The following NADK2 variants were observed in gnomAD, a reference collection of about 807,000 sequenced individuals.
NADK2 encodes the protein NAD kinase domain-containing protein 1, mitochondrial.
NADK2 carries 35 observed loss-of-function variants against 62.1 expected under a neutral mutation model. That is an observed-to-expected ratio of 0.56 (90% CI 0.43 to 0.75). NADK2 has a LOEUF of 0.75. Among genes scored for constraint, NADK2 ranks in the 30% least tolerant of loss-of-function variants. The pLI, the probability that NADK2 is intolerant of heterozygous loss-of-function variation, is 0.00. For synonymous variants in NADK2, 205 were observed against 207.9 expected, an observed-to-expected ratio of 0.99 and a Z score of 0.12; for missense variants, 439 against 561.3, an observed-to-expected ratio of 0.78 and a Z score of 2.20.
intron 2 of NADK2, among the ~76,000 whole-genome samples, chr5:36,226,877 C>T (rs1747503160): frequency 6.6e-6 from 1 of 152,068 alleles, no homozygotes; most frequent in Non-Finnish European, 1.5e-5. Context: ...CCTTCTAATG[C>T]TTAAATTCAT....
intron 1 of NADK2, among the ~76,000 whole-genome samples, chr5:36,229,285 A>G (rs573436339): frequency 6.6e-6 from 1 of 152,312 alleles, no homozygotes; most frequent in South Asian, 2.1e-4. Context: ...ACTTACCAAG[A>G]TATACTATAA....
chr5:36,228,790 TTTTA>T (rs1401524944), intron 1 of NADK2, among the ~76,000 whole-genome samples: 1 of 71,348 alleles, frequency 1.4e-5, no homozygotes, highest in Non-Finnish European at 4.0e-5. Flanking sequence ...AGCTAATTTA[TTTTA>T]TTTTTTTTTT....
intron 7 of NADK2, among the ~76,000 whole-genome samples, chr5:36,209,513 G>C (rs1229151472): frequency 3.3e-5 from 5 of 152,014 alleles, no homozygotes; most frequent in Admixed American, 2.6e-4. Context: ...ATTTATTTAA[G>C]GTAGACTTTC....
chr5:36,225,537 C>CT lies in NADK2; in HGVS notation c.560+4dup. The CT allele has an allele frequency of 6.2e-7, 1 of 1,608,816 alleles. No homozygotes were observed. ...ATCAAACAAAATGTATACGTTCTTT[C>CT]TTACCGTTCTGGATCAGTGTTTACC... On this transcript the variant is annotated splice_donor_region_variant and intron_variant, in intron 4 of 11. Transcript: ENST00000381937.
chr5:36,237,928 A>AT (rs1293235361), intron 1 of NADK2, among the ~76,000 whole-genome samples: 1 of 152,106 alleles, frequency 6.6e-6, no homozygotes, highest in Non-Finnish European at 1.5e-5. Flanking sequence ...GCATTTTAAC[A>AT]AGTACTCTTG....
At position 36,194,096 on chromosome 5, in the gene NADK2, T is replaced by G. The variant is rs1445382334; in HGVS notation, c.*1048A>C. ...GTAGATCAATAATTAGATAATAATT[T>G]CCTCCAAAAATAAAGGAATTCTCAT... On this transcript the variant is annotated 3_prime_UTR_variant, in exon 12 of 12. Transcript: ENST00000381937. 2.6e-5 allele frequency: 4 copies of G among 152,034 alleles called. No homozygotes were observed. Among genetic ancestry groups the G allele is most frequent in the Admixed American group, 2.6e-4 (4 of 15,242 alleles). The allele number at this position is 152,034 out of a possible 1,614,324, so 9.4% of individuals were successfully genotyped here. A position where few individuals can be genotyped will look rare whatever the true frequency, so the allele number is the denominator to read the frequency against.
intron 1 of NADK2, among the ~76,000 whole-genome samples, chr5:36,230,391 A>C (rs1747664424): frequency 6.6e-6 from 1 of 152,244 alleles, no homozygotes. Context: ...TGCAACAGCC[A>C]CCACTGCCAA....
chr5:36,209,362 TTTAA>T (rs1349831623), intron 7 of NADK2, among the ~76,000 whole-genome samples: 2 of 152,174 alleles, frequency 1.3e-5, no homozygotes, highest in African/African-American at 4.8e-5. Context: ...TTATAAGTTA[TTTAA>T]TTTTTTAGTA....
At chr5:36,223,483 T>A (rs16902829) in intron 4 of NADK2, among the ~76,000 whole-genome samples, 9,288 of 152,130 alleles carry the variant, frequency 0.061, 1,007 homozygotes, top group African/African-American at 0.21. Flanking sequence ...AACACCAGTA[T>A]TTAGCCAGTA....
Position 36,195,191 on chromosome 5 carries a change from T to C in NADK2, c.1282A>G (p.Met428Val), listed in dbSNP as rs1746183429. The C allele has an allele frequency of 6.2e-7, 1 of 1,613,488 alleles. No individual in the cohort carries two copies. Among genetic ancestry groups the C allele is most frequent in the African/African-American group, 1.3e-5 (1 of 74,904 alleles). The stretch of plus-strand genomic sequence containing the variant: ...CGAAGCTCATCTTCTTTATTGATCA[T>C]CATCGAAGCAATTGCACCATCATTA... Reference protein sequence around the residue: ...EFNDGAIASMMINKEDELRTV... With the variant: ...EFNDGAIASMVINKEDELRTV... Residue 428 changes from methionine to valine, a missense_variant, in exon 12 of 12, where the codon ATG becomes GTG. By Grantham distance (21) the Met-to-Val change is conservative. Transcript: ENST00000381937.
At chr5:36,196,127 A>G (rs974086839) in intron 11 of NADK2, among the ~76,000 whole-genome samples, 4 of 152,144 alleles carry the variant, frequency 2.6e-5, no homozygotes, top group Non-Finnish European at 5.9e-5. Flanking sequence ...CTTTGCGCAC[A>G]TATTTCTGTT....
At position 36,241,385 on chromosome 5, in the gene NADK2, G is replaced by A. The variant is rs1748113223; in HGVS notation, c.300+114C>T. ...TGGGGGCCGCGAGAGAGGCAGGACC[G>A]GCATCTGCGGTGCCCTGGGAAGAGT... On this transcript the variant is annotated intron_variant, in intron 1 of 11. Transcript: ENST00000381937. The surrounding 1 kb of genome is among the most constrained non-coding windows in gnomAD (Gnocchi z 4.9). 2 of 1,351,644 alleles carry A rather than the reference G, an allele frequency of 1.5e-6. No homozygotes were observed. Among genetic ancestry groups the A allele is most frequent in the Non-Finnish European group, 1.9e-6 (2 of 1,053,916 alleles). 83.7% of individuals were successfully genotyped at this position (1,351,644 alleles called of 1,614,324 possible).
chr5:36,210,277 C>T (rs1232815653), intron 7 of NADK2, among the ~76,000 whole-genome samples: 3 of 152,094 alleles, frequency 2.0e-5, no homozygotes, highest in Admixed American at 6.6e-5. Context: ...TTTTACAGCT[C>T]GTCACTGTGT....
chr5:36,195,978 T>C (rs1286546414), intron 11 of NADK2, among the ~76,000 whole-genome samples: 1 of 77,278 alleles, frequency 1.3e-5, no homozygotes, highest in Non-Finnish European at 3.9e-5. Flanking sequence ...ATAGTAATAG[T>C]AGTGTGTTCA....
intron 1 of NADK2, among the ~76,000 whole-genome samples, chr5:36,238,314 A>G (rs987794027): frequency 1.5e-4 from 23 of 152,190 alleles, no homozygotes; most frequent in Admixed American, 1.0e-3. Flanking sequence ...GTTTAATCCA[A>G]TAACACGGCA....
At chr5:36,239,459 C>T (rs1748028633) in intron 1 of NADK2, among the ~76,000 whole-genome samples, 1 of 152,152 alleles carries the variant, frequency 6.6e-6, no homozygotes, top group Non-Finnish European at 1.5e-5. Flanking sequence ...CTGGCAATTA[C>T]AAAACTGTGT....
chr5:36,230,703 G>A (rs1022552388), intron 1 of NADK2, among the ~76,000 whole-genome samples: 8 of 152,186 alleles, frequency 5.3e-5, no homozygotes, highest in African/African-American at 1.9e-4. Flanking sequence ...AGGAGAGTTA[G>A]ATTAGTTACT....
At chr5:36,201,778 A>G (rs1746458052) in intron 8 of NADK2, among the ~76,000 whole-genome samples, 1 of 151,976 alleles carries the variant, frequency 6.6e-6, no homozygotes. Flanking sequence ...AACCTAGGCA[A>G]GTATTCTTTA....
At chr5:36,216,277 G>C (rs1016231990) in intron 6 of NADK2, among the ~76,000 whole-genome samples, 10 of 151,638 alleles carry the variant, frequency 6.6e-5, no homozygotes, top group African/African-American at 1.9e-4. Context: ...TTTTTAATGA[G>C]ATTATTTGTT....
Sources: gnomAD v4.1 joint callset for allele counts (sites outside exome capture counted in the v4.1 genomes callset) on GRCh38, gnomAD v4.1.1 for gene constraint, Gnocchi (gnomAD v3.1) non-coding constraint, MANE v1.5 for transcripts, NCBI Gene and HGNC (gene_info 2026-07-23, HGNC 2026-07-21) for gene names.